Variants in UPF1 observed in about 807,000 individuals in gnomAD.
The protein encoded by UPF1 is UPF1 RNA helicase and ATPase, also known as regulator of nonsense transcripts 1.
Under a neutral mutation model 129.2 loss-of-function variants are expected in UPF1, and 9 were observed. The ratio of observed to expected loss-of-function variants is 0.07; its 90% confidence interval spans 0.04 to 0.12. The LOEUF (loss-of-function observed/expected upper bound fraction) is 0.12. Among genes scored for constraint, UPF1 ranks in the 10% least tolerant of loss-of-function variants. UPF1 has a pLI of 1.00. For synonymous variants in UPF1, 649 were observed against 644.9 expected (o/e 1.01, Z -0.10); for missense variants, 788 against 1,525.3 (o/e 0.52, Z 8.05).
chr19:18,850,627 C>T lies in UPF1; in HGVS notation c.630-61C>T. 1.3e-6 allele frequency: 2 copies of T among 1,482,386 alleles called. No individual in the cohort carries two copies. The highest frequency in any genetic ancestry group is 1.4e-5 in the South Asian group (1 of 72,768). 91.8% of individuals were successfully genotyped at this position (1,482,386 alleles called of 1,614,324 possible). A position where few individuals can be genotyped will look rare whatever the true frequency, so the allele number is the denominator to read the frequency against. On this transcript the variant is annotated intron_variant, in intron 4 of 23. Transcript: ENST00000262803. This position sits in a 1 kb window ranked among gnomAD's most constrained non-coding sequence, Gnocchi z 7.1. Reference sequence around the variant, plus strand: ...TGAAAGGTCAGCATGGGAGGGGGCCCTCCCTGCTCCGGGGCTTCAGGGACG... The same window carrying T: ...TGAAAGGTCAGCATGGGAGGGGGCCTTCCCTGCTCCGGGGCTTCAGGGACG...
intron 3 of UPF1, among the ~76,000 whole-genome samples, chr19:18,848,787 A>G (rs1365631280): frequency 6.6e-6 from 1 of 152,168 alleles, no homozygotes; most frequent in East Asian, 1.9e-4. Context: ...AAAGAAGGGT[A>G]TCTTCTGGAT....
rs768001837 is a variant in UPF1, at chr19:18,860,302, T to A, written c.2183-19T>A. 15 of 1,613,164 alleles carry A rather than the reference T, an allele frequency of 9.3e-6. No homozygotes were observed. In the East Asian group the frequency reaches 1.6e-4, roughly 17 times the overall value. On this transcript the variant is annotated intron_variant, in intron 15 of 23. Coordinates refer to ENST00000262803, the MANE Select transcript of UPF1 (RefSeq NM_002911.4). ...GGGCTAGGGCTTTTGAAGTGTTACT[T>A]CTTTCCCTCCCCTCACAGCGGATCG...
chr19:18,835,149 A>G (rs1045297574), intron 1 of UPF1, among the ~76,000 whole-genome samples: 1 of 152,098 alleles, frequency 6.6e-6, no homozygotes. Context: ...TTTCTGTCTC[A>G]AGATGTGCCT....
chr19:18,845,659 G>A (rs2055588914), intron 1 of UPF1, among the ~76,000 whole-genome samples: 1 of 152,150 alleles, frequency 6.6e-6, no homozygotes, highest in Admixed American at 6.5e-5. Context: ...GTCTGTAAAA[G>A]TCACCCTGCT....
intron 1 of UPF1, among the ~76,000 whole-genome samples, chr19:18,840,132 G>C (rs2055526169): frequency 6.6e-6 from 1 of 152,166 alleles, no homozygotes; most frequent in Non-Finnish European, 1.5e-5. Context: ...CTGTGGTGTT[G>C]GAGGTTGGGC....
chr19:18,843,928 G>A (rs747471740), intron 1 of UPF1, among the ~76,000 whole-genome samples: 4 of 151,966 alleles, frequency 2.6e-5, no homozygotes, highest in Non-Finnish European at 4.4e-5. Flanking sequence ...GTATTTTTTT[G>A]TGGAGACAGG....
At chr19:18,837,129 A>C (rs1170848202) in intron 1 of UPF1, among the ~76,000 whole-genome samples, 1 of 148,336 alleles carries the variant, frequency 6.7e-6, no homozygotes, top group African/African-American at 2.5e-5. Flanking sequence ...TCATTCTGTC[A>C]CCCAGGCTGT....
chr19:18,853,894 C>T lies in UPF1; in HGVS notation c.1156+544C>T, dbSNP rs565476727. On this transcript the variant is annotated intron_variant, in intron 8 of 23. Transcript: ENST00000262803. The surrounding 1 kb of genome is among the most constrained non-coding windows in gnomAD (Gnocchi z 4.4). ...GGGGAGGAGTCCTGGGAGAAGACAC[C>T]GCGGGTCAGACTCAGGCTGCCTCTT... Among the ~76,000 whole-genome samples the T allele has an allele frequency of 4.6e-5, 7 of 152,216 alleles. No homozygotes were observed. The highest frequency in any genetic ancestry group is 1.2e-4 in the African/African-American group (5 of 41,524).
chr19:18,837,417 C>G (rs568388737), intron 1 of UPF1, among the ~76,000 whole-genome samples: 1 of 152,204 alleles, frequency 6.6e-6, no homozygotes, highest in Non-Finnish European at 1.5e-5. Context: ...TCATGCCATA[C>G]ACCTACCTGT....
Position 18,860,314 on chromosome 19 carries a change from C to G in UPF1, c.2183-7C>G, listed in dbSNP as rs766671065. 6.2e-7 allele frequency: 1 copy of G among 1,613,276 alleles called. No homozygotes were observed. The highest frequency in any genetic ancestry group is 8.5e-7 in the Non-Finnish European group (1 of 1,179,256). On this transcript the variant is annotated splice_polypyrimidine_tract_variant and splice_region_variant and intron_variant, in intron 15 of 23. Coordinates refer to ENST00000262803, the MANE Select transcript of UPF1 (RefSeq NM_002911.4). Reference sequence around the variant, plus strand: ...TTGAAGTGTTACTTCTTTCCCTCCCCTCACAGCGGATCGTGTGAAGAAGGG... The same window carrying G: ...TTGAAGTGTTACTTCTTTCCCTCCCGTCACAGCGGATCGTGTGAAGAAGGG...
chr19:18,853,516 C>T lies in UPF1; in HGVS notation c.1156+166C>T, dbSNP rs571971606. ...CACTGCTCTTAGGAGAATCACAGGGCCTTCACCTTCAGGGGACAGCTGGTT... is the reference window on the plus strand; with the variant it reads ...CACTGCTCTTAGGAGAATCACAGGGTCTTCACCTTCAGGGGACAGCTGGTT... On this transcript the variant is annotated intron_variant, in intron 8 of 23. Transcript: ENST00000262803. This position sits in a 1 kb window ranked among gnomAD's most constrained non-coding sequence, Gnocchi z 4.4. Among the ~76,000 whole-genome samples the T allele has an allele frequency of 6.6e-6, 1 of 152,352 alleles. No individual in the cohort carries two copies. Among genetic ancestry groups the T allele is most frequent in the Admixed American group, 6.5e-5 (1 of 15,312 alleles).
chr19:18,849,696 G>A (rs1035744831), intron 3 of UPF1: 31 of 217,168 alleles, frequency 1.4e-4, no homozygotes, highest in South Asian at 1.1e-3. Context: ...AGATGGTGGC[G>A]GGGGTTGACC....
In UPF1 at chr19:18,860,962, C is replaced by T. The variant is rs187386292; in HGVS notation, c.2437C>T (p.Leu813=). The T allele has an allele frequency of 1.4e-4, 214 of 1,585,158 alleles. No homozygotes were observed. The East Asian group carries it at 4.9e-3, about 36-fold the overall frequency. ...GCAGTACATGCAGTTCAGCGGCTCC[C>T]TGCACACCAAGCTCTACCAGGTGCG... ...LVQYMQFSGS[L]HTKLYQEVEI... The change falls in exon 17 of 24, where the codon CTG becomes TTG. Residue 813 remains leucine (L), a synonymous_variant. Coordinates refer to ENST00000262803, the MANE Select transcript of UPF1 (RefSeq NM_002911.4).
chr19:18,866,205 T>C (rs745359663), intron 23 of UPF1, 39 bp downstream of exon 23: 3 of 1,527,152 alleles, frequency 2.0e-6, no homozygotes, highest in South Asian at 2.5e-5. Flanking sequence ...CACCCCAGCC[T>C]CAAGGAGAAG....
chr19:18,844,801 G>A (rs1283801145), intron 1 of UPF1, among the ~76,000 whole-genome samples: 1 of 152,200 alleles, frequency 6.6e-6, no homozygotes, highest in Non-Finnish European at 1.5e-5. Flanking sequence ...CCCTACTGCT[G>A]TTTTACCTCA....
rs1373648795 is a variant in UPF1, at chr19:18,856,098, CG to C, written c.1709+10del. The C allele has an allele frequency of 1.2e-5, 19 of 1,611,690 alleles. No individual in the cohort carries two copies. The Admixed American group carries it at 3.2e-4, about 27-fold the overall frequency. On this transcript the variant is annotated intron_variant, in intron 12 of 23. Transcript: ENST00000262803. The stretch of plus-strand genomic sequence containing the variant: ...ATCAGGAACATGGACAGGTGTGTGT[CG>C]AGTCCATCCCTCCCAGTTGGTCCCT...
At chr19:18,849,914 T>G (rs1044571346) in intron 3 of UPF1, 161 bp from the exon 4 acceptor site, 21 of 826,528 alleles carry the variant, frequency 2.5e-5, no homozygotes, top group South Asian at 3.5e-5. Context: ...GGGAGCTAGT[T>G]TGGGGGAGGG....
intron 1 of UPF1, among the ~76,000 whole-genome samples, chr19:18,842,425 A>G (rs1268396591): frequency 1.3e-5 from 2 of 152,038 alleles, no homozygotes; most frequent in African/African-American, 4.8e-5. Flanking sequence ...AGGAAGAGAT[A>G]AGTGTGTGAG....
At chr19:18,849,857 G>A in intron 3 of UPF1, 2 of 589,554 alleles carry the variant, frequency 3.4e-6, no homozygotes, top group South Asian at 2.0e-5. Flanking sequence ...TGTTAAGGAA[G>A]TTTTCCTTAA....
Sources: gnomAD v4.1 joint callset for allele counts (sites outside exome capture counted in the v4.1 genomes callset) on GRCh38, gnomAD v4.1.1 for gene constraint, Gnocchi (gnomAD v3.1) non-coding constraint, MANE v1.5 for transcripts, NCBI Gene and HGNC (gene_info 2026-07-23, HGNC 2026-07-21) for gene names.